ROR2: variants seen among roughly 807,000 people sequenced by gnomAD.
The protein encoded by ROR2 is tyrosine-protein kinase transmembrane receptor ROR2.
In ROR2, 33 loss-of-function variants were observed where a neutral mutation model predicts 74.9. That is an observed-to-expected ratio of 0.44 (90% confidence interval 0.33 to 0.59). The LOEUF (loss-of-function observed/expected upper bound fraction) is 0.59, where lower values mean the gene tolerates loss of function less well. ROR2 is among the 20% of genes least tolerant of loss of function. The pLI is 0.02. For missense variants in ROR2, 1,216 were observed against 1,313.8 expected (o/e 0.93, Z 1.15); for synonymous variants, 586 against 558.7 (o/e 1.05, Z -0.69).
intron 2 of ROR2, 91 bp from the exon 3 acceptor site, chr9:91,757,650 G>T: frequency 6.8e-7 from 1 of 1,467,810 alleles, no homozygotes; most frequent in Non-Finnish European, 9.3e-7. Context: ...TCTTCCAAGG[G>T]AAGGTTTCGA....
At position 91,839,279 on chromosome 9, in the gene ROR2, T is replaced by TGTGTGTGTAAGTACAGGC. The variant is rs1554681725; in HGVS notation, c.98-63462_98-63461insGCCTGTACTTACACACAC. ...GTGTGTGTGTGTGTGTGTGTGTGTG[T>TGTGTGTGTAAGTACAGGC]GTGTGTGTGTGTGTGTAAGTACAGG... On this transcript the variant is annotated intron_variant, in intron 1 of 8. Coordinates refer to ENST00000375708, the MANE Select transcript of ROR2 (RefSeq NM_004560.4). Among the ~76,000 whole-genome samples the TGTGTGTGTAAGTACAGGC allele has an allele frequency of 5.5e-3, 754 of 136,480 alleles. 8 individuals carry two copies. Among genetic ancestry groups the TGTGTGTGTAAGTACAGGC allele is most frequent in the African/African-American group, 0.024 (713 of 30,226 alleles). The allele number at this position is 136,480 out of a possible 152,430, so 89.5% of individuals were successfully genotyped here. A position where few individuals can be genotyped will look rare whatever the true frequency, so the allele number is the denominator to read the frequency against.
At chr9:91,872,499 T>A (rs1013876584) in intron 1 of ROR2, among the ~76,000 whole-genome samples, 3 of 152,216 alleles carry the variant, frequency 2.0e-5, no homozygotes, top group Admixed American at 1.3e-4. Flanking sequence ...ATTTGTTCTA[T>A]TTTTTTCCTG....
intron 1 of ROR2, among the ~76,000 whole-genome samples, chr9:91,943,938 T>A (rs151149936): frequency 3.0e-4 from 46 of 152,280 alleles, no homozygotes; most frequent in South Asian, 1.5e-3. Flanking sequence ...CCAGCAAACA[T>A]CACACTCAAT....
At chr9:91,798,404 C>A (rs1827254308) in intron 1 of ROR2, among the ~76,000 whole-genome samples, 1 of 123,084 alleles carries the variant, frequency 8.1e-6, no homozygotes, top group Non-Finnish European at 1.6e-5. Context: ...GCGGGGCTGA[C>A]ACCCTGGGCT....
At chr9:91,885,547 C>A (rs1830245927) in intron 1 of ROR2, among the ~76,000 whole-genome samples, 1 of 152,174 alleles carries the variant, frequency 6.6e-6, no homozygotes, top group Admixed American at 6.5e-5. Flanking sequence ...TGACATGGGA[C>A]CTAAGGGAAG....
intron 1 of ROR2, among the ~76,000 whole-genome samples, chr9:91,880,897 C>T (rs1321504966): frequency 6.6e-6 from 1 of 152,212 alleles, no homozygotes; most frequent in Non-Finnish European, 1.5e-5. Flanking sequence ...ATTACTGGGA[C>T]TGCTGTTGCA....
chr9:91,745,230 A>T (rs1199984464), intron 4 of ROR2, among the ~76,000 whole-genome samples: 1 of 143,706 alleles, frequency 7.0e-6, no homozygotes, highest in Admixed American at 6.9e-5. Context: ...GGTTCAAGCA[A>T]TTCTCCTGCC....
At chr9:91,795,124 A>G (rs934473899) in intron 1 of ROR2, among the ~76,000 whole-genome samples, 53 of 150,364 alleles carry the variant, frequency 3.5e-4, no homozygotes, top group African/African-American at 1.1e-3. Context: ...TCTCAATAGA[A>G]AAAAAAAAAA....
intron 1 of ROR2, among the ~76,000 whole-genome samples, chr9:91,900,182 C>A (rs1320947534): frequency 3.9e-5 from 6 of 152,172 alleles, no homozygotes; most frequent in Admixed American, 6.5e-5. Context: ...CCCAGATAAG[C>A]TCAGGATGCA....
chr9:91,812,025 C>A (rs974721898), intron 1 of ROR2, among the ~76,000 whole-genome samples: 6 of 148,922 alleles, frequency 4.0e-5, no homozygotes, highest in Non-Finnish European at 7.4e-5. Context: ...ATAAAATACA[C>A]TAACACTAAT....
chr9:91,823,593 C>T (rs1181835758), intron 1 of ROR2, among the ~76,000 whole-genome samples: 1 of 152,022 alleles, frequency 6.6e-6, no homozygotes. Flanking sequence ...GCCTCAGCAA[C>T]AAATTTTTAT....
At chr9:91,750,700 G>A (rs1177796965) in intron 4 of ROR2, among the ~76,000 whole-genome samples, 2 of 152,180 alleles carry the variant, frequency 1.3e-5, no homozygotes, top group African/African-American at 2.4e-5. Context: ...CATGTGTCAG[G>A]GAGCTCAGGT....
At chr9:91,940,814 C>T (rs2118048569) in intron 1 of ROR2, among the ~76,000 whole-genome samples, 2 of 151,938 alleles carry the variant, frequency 1.3e-5, no homozygotes, top group Admixed American at 1.3e-4. Flanking sequence ...TTTGGACAGG[C>T]TGGTCTTGAA....
intron 2 of ROR2, among the ~76,000 whole-genome samples, chr9:91,769,187 T>A (rs1334953572): frequency 6.6e-6 from 1 of 152,022 alleles, no homozygotes; most frequent in African/African-American, 2.4e-5. Flanking sequence ...CCCCATGTCA[T>A]CCTGGAGCTT....
intron 1 of ROR2, among the ~76,000 whole-genome samples, chr9:91,776,569 A>G (rs1309587668): frequency 6.6e-6 from 1 of 152,216 alleles, no homozygotes; most frequent in African/African-American, 2.4e-5. Context: ...GGTAAACCAC[A>G]TGGGGACAGC....
At chr9:91,934,570 C>T (rs7038017) in intron 1 of ROR2, among the ~76,000 whole-genome samples, 79,235 of 151,620 alleles carry the variant, frequency 0.52, 23,245 homozygotes, top group African/African-American at 0.8. Flanking sequence ...AGTAGTTCAA[C>T]GTATACCCTC....
chr9:91,799,386 C>G (rs972422811), intron 1 of ROR2, among the ~76,000 whole-genome samples: 1 of 152,192 alleles, frequency 6.6e-6, no homozygotes, highest in Non-Finnish European at 1.5e-5. Flanking sequence ...AGTGCCGAGA[C>G]GGGGGCACGC....
Position 91,733,047 on chromosome 9 carries a change from A to T in ROR2, c.937+75T>A. On this transcript the variant is annotated intron_variant, in intron 6 of 8. Coordinates refer to ENST00000375708, the MANE Select transcript of ROR2 (RefSeq NM_004560.4). The surrounding 1 kb of genome is among the most constrained non-coding windows in gnomAD (Gnocchi z 5.7). ...AGATGGGGCTCCCTGGGCTTCACCG[A>T]CACCCCCATACACATTTCAAGGGCC... The T allele has an allele frequency of 7.1e-7, 1 of 1,402,326 alleles. No homozygotes were observed. Among genetic ancestry groups the T allele is most frequent in the Non-Finnish European group, 9.7e-7 (1 of 1,033,322 alleles). 86.9% of individuals were successfully genotyped at this position (1,402,326 alleles called of 1,614,324 possible). A position where few individuals can be genotyped will look rare whatever the true frequency, so the allele number is the denominator to read the frequency against.
chr9:91,732,473 C>T (rs551529456), intron 6 of ROR2, among the ~76,000 whole-genome samples: 12 of 152,318 alleles, frequency 7.9e-5, no homozygotes, highest in African/African-American at 2.2e-4. Context: ...CCCTCCCCCA[C>T]GCTCATCCCT....
Sources: allele counts gnomAD v4.1 joint callset (sites outside exome capture counted in the v4.1 genomes callset), GRCh38; gene constraint gnomAD v4.1.1; non-coding constraint Gnocchi (gnomAD v3.1); transcripts MANE v1.5; gene names NCBI Gene and HGNC (gene_info 2026-07-23, HGNC 2026-07-21).